Variants in NPHP3 observed in about 807,000 individuals in gnomAD.
NPHP3 encodes the protein nephrocystin-3.
In NPHP3, 123 loss-of-function variants were observed where a neutral mutation model predicts 171.9. That is an observed-to-expected ratio of 0.72 (90% CI 0.62 to 0.83). The LOEUF is 0.83. Among genes scored for constraint, NPHP3 ranks in the 40% least tolerant of loss-of-function variants. The pLI is 0.00. For synonymous variants in NPHP3, 558 were observed against 579.2 expected (o/e 0.96, Z 0.52); for missense variants, 1,506 against 1,591.9 (o/e 0.95, Z 0.92).
Position 132,713,263 on chromosome 3 carries a change from T to A in NPHP3, c.981A>T (p.Arg327Ser). 6.2e-7 allele frequency: 1 copy of A among 1,602,570 alleles called. No individual in the cohort carries two copies. The highest frequency in any genetic ancestry group is 8.5e-7 in the Non-Finnish European group (1 of 1,174,346). The change falls in exon 6 of 27, where the codon AGA (arginine) becomes AGT (serine). Residue 327 changes from arginine to serine, a missense_variant. This residue lies in a region of NPHP3 where 930 missense variants were observed against 924.9 expected (regional missense o/e 1.01). Transcript: ENST00000337331. ...AAAAATATCCCATTGTCTCGCACAT[T>A]CTCTTAAGTTTAGGTGAATAGTCCT... ...FLKDYSPKLK[R>S]MCETMGYFFH...
chr3:132,702,269 C>T (rs1472231239), intron 9 of NPHP3, among the ~76,000 whole-genome samples: 1 of 152,072 alleles, frequency 6.6e-6, no homozygotes, highest in African/African-American at 2.4e-5. Context: ...AACACCTGTC[C>T]TGGGAATCAC....
At chr3:132,691,309 C>T (rs1412195374) in intron 17 of NPHP3, 23 bp from the exon 18 acceptor site, 2 of 1,523,116 alleles carry the variant, frequency 1.3e-6, no homozygotes, top group African/African-American at 2.7e-5. Flanking sequence ...AGAAGAAATA[C>T]TGAGTTCTAT....
Position 132,697,322 on chromosome 3 carries a change from C to A in NPHP3, c.2026G>T (p.Asp676Tyr). 6.2e-7 allele frequency: 1 copy of A among 1,612,428 alleles called. No individual in the cohort carries two copies. Among genetic ancestry groups the A allele is most frequent in the East Asian group, 2.2e-5 (1 of 44,778 alleles). The change falls in exon 14 of 27, where the codon GAT becomes TAT. Residue 676 changes from aspartate (D) to tyrosine (Y), a missense_variant. Asp to Tyr is a radical substitution (Grantham distance 160). Around this residue, in one of 3 missense-constraint regions of NPHP3, gnomAD observed 930 missense variants for 924.9 expected, o/e 1.01. Transcript: ENST00000337331. ...TLHLDPLSPK[D>Y]AKSIIIAECH... ...TCTGCAATTATAATAGATTTTGCAT[C>A]TTTTGGACTTAAGGGATCAAGATGA...
intron 2 of NPHP3, 22 bp downstream of exon 2, chr3:132,719,683 G>A: frequency 6.7e-7 from 1 of 1,492,076 alleles, no homozygotes; most frequent in Non-Finnish European, 9.0e-7. Context: ...TTGCTTTGGG[G>A]GTAAAAATGT....
intron 4 of NPHP3, 33 bp downstream of exon 4, chr3:132,716,724 C>G: frequency 6.2e-7 from 1 of 1,607,516 alleles, no homozygotes. Flanking sequence ...GTCACTACCA[C>G]TAGGCAAGTA....
chr3:132,707,024 G>T (rs1939773344), intron 7 of NPHP3, among the ~76,000 whole-genome samples: 2 of 152,044 alleles, frequency 1.3e-5, no homozygotes, highest in South Asian at 4.1e-4. Context: ...TTATTTCTTG[G>T]CTGGGCACAG....
At chr3:132,710,638 C>T (rs755364692) in intron 6 of NPHP3, among the ~76,000 whole-genome samples, 1 of 152,194 alleles carries the variant, frequency 6.6e-6, no homozygotes, top group African/African-American at 2.4e-5. Context: ...AAACCTTTAT[C>T]TGGAATATTC....
intron 18 of NPHP3, among the ~76,000 whole-genome samples, chr3:132,690,930 T>A (rs1011024150): frequency 2.0e-5 from 3 of 152,152 alleles, no homozygotes; most frequent in Non-Finnish European, 2.9e-5. Context: ...CACATACAGA[T>A]ACATGGACAC....
rs545765094 is a variant in NPHP3 at position 132,688,495 on chromosome 3, A to T, written c.3125+155T>A. On this transcript the variant is annotated intron_variant, in intron 21 of 26. Transcript: ENST00000337331. ...CTTCATGCATCTTCAAACAGAGATG[A>T]ATCTTATAGTTCTCATTTTCTCTGT... Among the ~76,000 whole-genome samples, 66 of 152,298 alleles carry T rather than the reference A, an allele frequency of 4.3e-4. No individual in the cohort carries two copies. The South Asian group carries it at 0.013, about 31-fold the overall frequency.
Position 132,692,739 on chromosome 3 carries a change from G to C in NPHP3, c.2390C>G (p.Thr797Ser). 1 of 1,613,896 alleles carries C rather than the reference G, an allele frequency of 6.2e-7. No homozygotes were observed. The highest frequency in any genetic ancestry group is 8.5e-7 in the Non-Finnish European group (1 of 1,179,824). ...LMELYPEMSW[T>S]FLTSLIHSLY... The stretch of plus-strand genomic sequence containing the variant: ...ACTGTGAATAAGGGAGGTCAAGAAA[G>C]TCCAGGACATCTCAGGATAGAGTTC... Residue 797 changes from threonine (T) to serine (S), a missense_variant, in exon 17 of 27, where the codon ACT (threonine) becomes AGT (serine). Transcript: ENST00000337331.
At position 132,690,500 on chromosome 3, in the gene NPHP3, G is replaced by A. The variant is rs759764290; in HGVS notation, c.2693+28C>T. Reference sequence around the variant, plus strand: ...GAACAACTTTAAATCTCTCTTTCTGGGGAAAGATGTTCTATAATGTTTCTT... The same window carrying A: ...GAACAACTTTAAATCTCTCTTTCTGAGGAAAGATGTTCTATAATGTTTCTT... On this transcript the variant is annotated intron_variant, in intron 19 of 26. Coordinates refer to ENST00000337331, the MANE Select transcript of NPHP3 (RefSeq NM_153240.5). 40 of 1,596,810 alleles carry A rather than the reference G, an allele frequency of 2.5e-5. No individual in the cohort carries two copies. In the Admixed American group the frequency reaches 5.5e-4, roughly 22 times the overall value.
At chr3:132,718,412 C>A (rs1210028111) in intron 3 of NPHP3, among the ~76,000 whole-genome samples, 1 of 152,108 alleles carries the variant, frequency 6.6e-6, no homozygotes, top group African/African-American at 2.4e-5. Flanking sequence ...TACTGGAAAC[C>A]ACTCAGTGAA....
Position 132,722,044 on chromosome 3 carries a change from G to C in NPHP3, c.312C>G (p.Ser104Arg), listed in dbSNP as rs1448465565. The part of the protein sequence containing the change: ...LRKEYEIFRV[S>R]KNQELLSMGR... ...CCATGGACAACAACTCCTGGTTCTT[G>C]CTGACGCGAAAGATCTCGTACTCCT... Residue 104 changes from serine (S) to arginine (R), a missense_variant, in exon 1 of 27, where the codon AGC becomes AGG. Physicochemically the swap from Ser to Arg is moderately radical, Grantham distance 110. Transcript: ENST00000337331. The C allele has an allele frequency of 6.2e-7, 1 of 1,612,984 alleles. No homozygotes were observed. Among genetic ancestry groups the C allele is most frequent in the Non-Finnish European group, 8.5e-7 (1 of 1,179,900 alleles).
intron 25 of NPHP3, 88 bp downstream of exon 25, chr3:132,683,311 A>G (rs1428804866): frequency 1.7e-6 from 2 of 1,170,046 alleles, no homozygotes; most frequent in African/African-American, 3.0e-5. Flanking sequence ...CTTTCATTCT[A>G]TTTAGTGTTC....
At chr3:132,720,431 C>G (rs1455680638) in intron 1 of NPHP3, among the ~76,000 whole-genome samples, 3 of 152,176 alleles carry the variant, frequency 2.0e-5, no homozygotes, top group Non-Finnish European at 4.4e-5. Context: ...TTGGTTTGGC[C>G]TTTTCTACCC....
intron 4 of NPHP3, 58 bp from the exon 5 acceptor site, chr3:132,715,276 TA>T: frequency 6.6e-7 from 1 of 1,507,134 alleles, no homozygotes; most frequent in Admixed American, 1.7e-5. Context: ...TTGATCATTC[TA>T]AAAAAGTTTT....
chr3:132,698,406 T>A lies in NPHP3; in HGVS notation c.1985+947A>T, dbSNP rs539772195. Reference sequence around the variant, plus strand: ...GATTCTTCTGCCTTAGCCTCCCGAGTAGATGGGATTACAAGCACCCGCCAC... The same window carrying A: ...GATTCTTCTGCCTTAGCCTCCCGAGAAGATGGGATTACAAGCACCCGCCAC... On this transcript the variant is annotated intron_variant, in intron 13 of 26. Transcript: ENST00000337331. Among the ~76,000 whole-genome samples the A allele has an allele frequency of 2.0e-5, 3 of 151,930 alleles. No homozygotes were observed. In the South Asian group the frequency reaches 6.3e-4, roughly 32 times the overall value.
At chr3:132,714,292 G>C (rs1377423787) in intron 5 of NPHP3, among the ~76,000 whole-genome samples, 1 of 151,872 alleles carries the variant, frequency 6.6e-6, no homozygotes, top group Non-Finnish European at 1.5e-5. Context: ...TCTTATCTCT[G>C]GGCCATTTAA....
chr3:132,699,692 T>A (rs190009288), intron 12 of NPHP3, among the ~76,000 whole-genome samples: 4 of 152,186 alleles, frequency 2.6e-5, no homozygotes, highest in East Asian at 3.8e-4. Flanking sequence ...GAACGAATAG[T>A]CTTTGTTAAT....
Sources: allele counts gnomAD v4.1 joint callset (sites outside exome capture counted in the v4.1 genomes callset), GRCh38; gene constraint gnomAD v4.1.1; regional missense constraint gnomAD v4.1.1; transcripts MANE v1.5; gene names NCBI Gene and HGNC (gene_info 2026-07-23, HGNC 2026-07-21).